The following ACO1 variants were observed in gnomAD, a reference collection of about 807,000 sequenced individuals.
ACO1 encodes cytoplasmic aconitate hydratase.
ACO1 carries 78 observed loss-of-function variants against 105.1 expected under a neutral mutation model. That is an observed-to-expected ratio of 0.74 (90% confidence interval 0.62 to 0.90). ACO1 has a LOEUF of 0.90. Ranked by LOEUF, ACO1 falls within the 40% of genes least tolerant of loss-of-function variation. The pLI is 0.00. For synonymous variants in ACO1, 364 were observed against 397.4 expected (o/e 0.92, Z 1.00); for missense variants, 965 against 1,111.1 (o/e 0.87, Z 1.87).
At chr9:32,405,424 C>A (rs987553037) in intron 1 of ACO1, 61 bp from the exon 2 acceptor site, 10 of 977,440 alleles carry the variant, frequency 1.0e-5, no homozygotes, top group South Asian at 1.4e-5. Context: ...TCCTCCCAGT[C>A]CTGATTTCTA....
At chr9:32,444,791 C>A (rs1431099447) in intron 19 of ACO1, among the ~76,000 whole-genome samples, 1 of 152,150 alleles carries the variant, frequency 6.6e-6, no homozygotes, top group Non-Finnish European at 1.5e-5. Flanking sequence ...TATGTTCCAT[C>A]AATACCTGGT....
At chr9:32,443,353 C>A (rs1340297447) in intron 19 of ACO1, among the ~76,000 whole-genome samples, 1 of 152,024 alleles carries the variant, frequency 6.6e-6, no homozygotes, top group South Asian at 2.1e-4. Context: ...TCTCCTGTGA[C>A]ATTAGACATC....
rs1822840801 is a variant in ACO1 at position 32,454,669 on chromosome 9, C to T, written c.*4558C>T. On this transcript the variant is annotated 3_prime_UTR_variant, in exon 21 of 21. Transcript: ENST00000309951. ...AAAAGATCCACTTCCTAAAAGCCTA[C>T]CTGCTCATTTCTTTCATTCAATACA... The T allele has an allele frequency of 6.6e-6, 1 of 152,192 alleles. No individual in the cohort carries two copies. Among genetic ancestry groups the T allele is most frequent in the Non-Finnish European group, 1.5e-5 (1 of 68,024 alleles). 9.4% of individuals were successfully genotyped at this position (152,192 alleles called of 1,614,324 possible).
intron 1 of ACO1, among the ~76,000 whole-genome samples, chr9:32,402,900 G>A (rs1376880628): frequency 2.0e-5 from 3 of 152,210 alleles, no homozygotes; most frequent in Non-Finnish European, 4.4e-5. Flanking sequence ...TTTGGTTGCT[G>A]AAATGCAGCT....
intron 2 of ACO1, 67 bp downstream of exon 2, chr9:32,405,670 A>G: frequency 8.5e-7 from 1 of 1,180,912 alleles, no homozygotes; most frequent in Admixed American, 2.2e-5. Flanking sequence ...GTAATTAATT[A>G]CACTTGAGGA....
intron 3 of ACO1, among the ~76,000 whole-genome samples, chr9:32,407,736 T>C (rs997525166): frequency 1.3e-5 from 2 of 152,148 alleles, no homozygotes; most frequent in Non-Finnish European, 1.5e-5. Flanking sequence ...AGAAATAGCA[T>C]GGAATAGAGC....
rs753517552 is a variant in ACO1, at chr9:32,430,574, G to A, written c.1726G>A (p.Gly576Arg). The A allele has an allele frequency of 1.3e-6, 2 of 1,596,646 alleles. No homozygotes were observed. The highest frequency in any genetic ancestry group is 1.7e-6 in the Non-Finnish European group (2 of 1,172,462). Residue 576 changes from glycine (G) to arginine (R), a missense_variant and splice_region_variant, in exon 14 of 21, where the codon GGA becomes AGA. Coordinates refer to ENST00000309951, the MANE Select transcript of ACO1 (RefSeq NM_002197.3). ...IRIDFEKEPLGVNAKGQQVFL... is the reference protein window; with the variant it reads ...IRIDFEKEPLRVNAKGQQVFL... ...AATCGACTTTGAGAAAGAGCCATTGGGTAAGATTTTGTTTGTGCAGCCATA... is the reference window on the plus strand; with the variant it reads ...AATCGACTTTGAGAAAGAGCCATTGAGTAAGATTTTGTTTGTGCAGCCATA...
At chr9:32,438,991 T>C (rs1822421552) in intron 18 of ACO1, among the ~76,000 whole-genome samples, 1 of 152,246 alleles carries the variant, frequency 6.6e-6, no homozygotes, top group Non-Finnish European at 1.5e-5. Flanking sequence ...TGCTATGTTC[T>C]CTTTAGAAGA....
In ACO1 at chr9:32,406,123, ATTG is replaced by A. The variant is rs369894963; in HGVS notation, c.97+523_97+525del. On this transcript the variant is annotated intron_variant, in intron 2 of 20. Transcript: ENST00000309951. Reference sequence around the variant, plus strand: ...AAAATCATTTTTCTTATGAATTAATATTGTTTTATTTTAGGAACTCCAGTTACC... The same window carrying A: ...AAAATCATTTTTCTTATGAATTAATATTTTATTTTAGGAACTCCAGTTACC... Among the ~76,000 whole-genome samples, 704 of 152,314 alleles carry A rather than the reference ATTG, an allele frequency of 4.6e-3. 7 individuals are homozygous for A. The highest frequency in any genetic ancestry group is 0.016 in the African/African-American group (662 of 41,556).
intron 17 of ACO1, among the ~76,000 whole-genome samples, 181 bp downstream of exon 17, chr9:32,434,882 G>A (rs1459150237): frequency 6.6e-6 from 1 of 152,200 alleles, no homozygotes; most frequent in African/African-American, 2.4e-5. Flanking sequence ...TTCCATGGGA[G>A]AAACGATCAA....
In ACO1 at chr9:32,425,875, A is replaced by T. The variant is rs746998837; in HGVS notation, c.1226A>T (p.His409Leu). The change falls in exon 11 of 21, where the codon CAT (histidine) becomes CTT (leucine). Residue 409 changes from histidine to leucine, a missense_variant. Physicochemically the swap from His to Leu is moderately conservative, Grantham distance 99. Transcript: ENST00000309951. ...GGATTCCAAGTTGCTCCTGAACATC[A>T]TAATGACCATAAGACCTTTATCTAT... ...FKGFQVAPEH[H>L]NDHKTFIYDN... 2.5e-6 allele frequency: 4 copies of T among 1,613,938 alleles called. No individual in the cohort carries two copies. The Admixed American group carries it at 6.7e-5, about 27-fold the overall frequency.
chr9:32,414,356 C>T (rs1450273554), intron 4 of ACO1, among the ~76,000 whole-genome samples: 2 of 152,128 alleles, frequency 1.3e-5, no homozygotes, highest in African/African-American at 4.8e-5. Flanking sequence ...TTATTAAAAG[C>T]TCACTAGATT....
At chr9:32,434,012 A>G (rs1351617443) in intron 16 of ACO1, among the ~76,000 whole-genome samples, 180 bp downstream of exon 16, 1 of 152,154 alleles carries the variant, frequency 6.6e-6, no homozygotes, top group African/African-American at 2.4e-5. Flanking sequence ...CCGTGGGTCT[A>G]TAGTTTCTCT....
chr9:32,399,931 G>A (rs1821452455), intron 1 of ACO1, among the ~76,000 whole-genome samples: 1 of 146,854 alleles, frequency 6.8e-6, no homozygotes, highest in East Asian at 2.0e-4. Flanking sequence ...TGTTGCTACA[G>A]TGAGCATCTA....
intron 19 of ACO1, among the ~76,000 whole-genome samples, chr9:32,447,331 A>C (rs1049132535): frequency 2.0e-5 from 3 of 151,946 alleles, no homozygotes; most frequent in African/African-American, 7.3e-5. Flanking sequence ...TCAATCTCTG[A>C]TATCTTTTCT....
At chr9:32,444,271 G>A (rs1315254040) in intron 19 of ACO1, among the ~76,000 whole-genome samples, 1 of 152,166 alleles carries the variant, frequency 6.6e-6, no homozygotes, top group Non-Finnish European at 1.5e-5. Context: ...TGTGAACAAT[G>A]CCACAATAAA....
At chr9:32,399,933 G>C (rs1821452582) in intron 1 of ACO1, among the ~76,000 whole-genome samples, 1 of 145,666 alleles carries the variant, frequency 6.9e-6, no homozygotes, top group African/African-American at 2.5e-5. Context: ...TTGCTACAGT[G>C]AGCATCTATT....
intron 14 of ACO1, among the ~76,000 whole-genome samples, chr9:32,431,193 A>G (rs1822227081): frequency 6.6e-6 from 1 of 152,354 alleles, no homozygotes; most frequent in Admixed American, 6.5e-5. Flanking sequence ...CAAAGGGGTG[A>G]AAACTTTATA....
intron 17 of ACO1, 98 bp from the exon 18 acceptor site, chr9:32,436,152 T>G: frequency 2.1e-6 from 3 of 1,455,638 alleles, no homozygotes; most frequent in Non-Finnish European, 2.9e-6. Context: ...GCCAGGTCTA[T>G]GTTTTGTTTT....
Sources: allele counts gnomAD v4.1 joint callset (sites outside exome capture counted in the v4.1 genomes callset), GRCh38; gene constraint gnomAD v4.1.1; transcripts MANE v1.5; gene names NCBI Gene and HGNC (gene_info 2026-07-23, HGNC 2026-07-21).